Variants in DIAPH3 observed in about 807,000 individuals in gnomAD.
DIAPH3 encodes the protein diaphanous related formin 3.
A neutral mutation model predicts 144.3 loss-of-function variants in DIAPH3; 117 were observed. The ratio of observed to expected loss-of-function variants is 0.81; its 90% CI spans 0.70 to 0.95. The LOEUF is 0.95. DIAPH3 is among the 40% of genes least tolerant of loss of function. DIAPH3 has a pLI of 0.00. For missense variants in DIAPH3, 1,421 were observed against 1,412.7 expected (o/e 1.01, Z -0.09); for synonymous variants, 519 against 488.9 (o/e 1.06, Z -0.81).
chr13:60,012,863 C>T (rs1255869677), intron 7 of DIAPH3: 2 of 331,610 alleles, frequency 6.0e-6, no homozygotes, highest in Non-Finnish European at 8.6e-6. Flanking sequence ...TCACAGGTAA[C>T]GTTCTCTGAT....
chr13:59,932,702 T>A (rs1215820537), intron 17 of DIAPH3, among the ~76,000 whole-genome samples: 1 of 152,190 alleles, frequency 6.6e-6, no homozygotes, highest in African/African-American at 2.4e-5. Context: ...AGTAAGGTAA[T>A]CCTCTTCTAC....
intron 17 of DIAPH3, among the ~76,000 whole-genome samples, chr13:59,952,857 A>G (rs1384154594): frequency 6.6e-6 from 1 of 152,214 alleles, no homozygotes; most frequent in African/African-American, 2.4e-5. Context: ...TCATTTATCC[A>G]GCAAACATTC....
chr13:59,795,540 C>T (rs935027779), intron 25 of DIAPH3, among the ~76,000 whole-genome samples: 10 of 151,716 alleles, frequency 6.6e-5, no homozygotes, highest in East Asian at 3.9e-4. Context: ...CTGCGAGCTC[C>T]GCCTCCGGGT....
intron 25 of DIAPH3, among the ~76,000 whole-genome samples, chr13:59,777,999 T>C (rs76280659): frequency 0.02 from 2,973 of 152,302 alleles, 85 homozygotes; most frequent in East Asian, 0.12. Context: ...TGTTAAGTTA[T>C]CAGAGTGTGA....
chr13:59,859,386 T>C (rs891513012), intron 22 of DIAPH3, among the ~76,000 whole-genome samples: 5 of 152,108 alleles, frequency 3.3e-5, no homozygotes, highest in Non-Finnish European at 5.9e-5. Context: ...CAAACCAAGT[T>C]ACAGTTCTGC....
chr13:59,738,163 T>C (rs2139027670), intron 27 of DIAPH3, among the ~76,000 whole-genome samples: 1 of 151,960 alleles, frequency 6.6e-6, no homozygotes, highest in South Asian at 2.1e-4. Context: ...AGAGAATCCA[T>C]CTCAAAAAAT....
chr13:59,943,086 A>G (rs992810849), intron 17 of DIAPH3, among the ~76,000 whole-genome samples: 2 of 152,220 alleles, frequency 1.3e-5, no homozygotes, highest in Non-Finnish European at 2.9e-5. Context: ...CTCTTATGAG[A>G]AAAGACATAT....
Position 60,163,913 on chromosome 13 carries a change from C to T in DIAPH3, c.-147G>A. ...CTAGCCCAACCGCTGAAGTCGGGGC[C>T]GCAGCCAACACATCTGAAAACTCCC... On this transcript the variant is annotated 5_prime_UTR_variant, in exon 1 of 28. Transcript: ENST00000400324. The T allele has an allele frequency of 9.6e-7, 1 of 1,043,238 alleles. No homozygotes were observed. The highest frequency in any genetic ancestry group is 1.7e-5 in the South Asian group (1 of 59,946). 64.6% of individuals were successfully genotyped at this position (1,043,238 alleles called of 1,614,324 possible).
At chr13:59,700,676 G>C (rs1209974293) in intron 27 of DIAPH3, among the ~76,000 whole-genome samples, 1 of 152,084 alleles carries the variant, frequency 6.6e-6, no homozygotes, top group East Asian at 1.9e-4. Flanking sequence ...CAGTTGATGG[G>C]GGGAAGTTGC....
intron 24 of DIAPH3, among the ~76,000 whole-genome samples, chr13:59,829,284 C>T (rs2041643739): frequency 6.6e-6 from 1 of 151,874 alleles, no homozygotes; most frequent in Non-Finnish European, 1.5e-5. Context: ...AAAAAAATGG[C>T]CACTTTTTCT....
intron 11 of DIAPH3, 36 bp from the exon 12 acceptor site, chr13:59,991,310 C>T (rs941855710): frequency 3.7e-6 from 5 of 1,359,822 alleles, no homozygotes; most frequent in East Asian, 2.3e-5. Context: ...TTTATTTATA[C>T]TCTACACCAA....
Position 59,668,844 on chromosome 13 carries a change from T to TACACAC in DIAPH3, c.3320-2004_3320-1999dup, listed in dbSNP as rs10640305. 4.9e-3 allele frequency among the ~76,000 whole-genome samples: 720 copies of TACACAC among 148,348 alleles called. 6 individuals are homozygous for TACACAC. Among genetic ancestry groups the TACACAC allele is most frequent in the African/African-American group, 0.013 (510 of 40,448 alleles). The stretch of plus-strand genomic sequence containing the variant: ...ATACACATATATATATATGTATGTA[T>TACACAC]ACACACACACACACACACACACAAA... On this transcript the variant is annotated intron_variant, in intron 27 of 27. Coordinates refer to ENST00000400324, the MANE Select transcript of DIAPH3 (RefSeq NM_001042517.2).
intron 9 of DIAPH3, among the ~76,000 whole-genome samples, chr13:59,998,783 T>A (rs1348663791): frequency 6.6e-6 from 1 of 152,148 alleles, no homozygotes; most frequent in African/African-American, 2.4e-5. Context: ...TCAACCCTAT[T>A]CATGCAAACC....
intron 24 of DIAPH3, among the ~76,000 whole-genome samples, chr13:59,827,861 A>G (rs1027741930): frequency 2.0e-5 from 3 of 152,064 alleles, no homozygotes; most frequent in Admixed American, 6.6e-5. Flanking sequence ...AAACATGAAC[A>G]CGCTACAGCT....
chr13:60,058,329 A>C (rs1040945450), intron 4 of DIAPH3, among the ~76,000 whole-genome samples: 4 of 152,036 alleles, frequency 2.6e-5, no homozygotes, highest in African/African-American at 9.7e-5. Flanking sequence ...GCAAATTAAA[A>C]CCATAATGAG....
At chr13:60,137,782 C>T (rs912666783) in intron 1 of DIAPH3, among the ~76,000 whole-genome samples, 7 of 143,744 alleles carry the variant, frequency 4.9e-5, no homozygotes, top group South Asian at 2.2e-4. Flanking sequence ...CTTGCTCGGT[C>T]ACCCAGGCTG....
chr13:60,028,674 C>A (rs2054559020), intron 5 of DIAPH3, among the ~76,000 whole-genome samples: 1 of 152,186 alleles, frequency 6.6e-6, no homozygotes, highest in Non-Finnish European at 1.5e-5. Flanking sequence ...CTCCACTCCA[C>A]ATATGTAAGC....
intron 24 of DIAPH3, among the ~76,000 whole-genome samples, chr13:59,830,849 T>C (rs1367157269): frequency 6.6e-6 from 1 of 151,892 alleles, no homozygotes; most frequent in Non-Finnish European, 1.5e-5. Flanking sequence ...GGGATCTGGA[T>C]TCAAATCCCA....
intron 26 of DIAPH3, 57 bp downstream of exon 26, chr13:59,774,671 G>A: frequency 1.3e-6 from 2 of 1,487,042 alleles, no homozygotes; most frequent in Non-Finnish European, 1.9e-6. Context: ...AGAAAAACAG[G>A]ATTCTTTCTC....
Sources: allele counts gnomAD v4.1 joint callset (sites outside exome capture counted in the v4.1 genomes callset), GRCh38; gene constraint gnomAD v4.1.1; transcripts MANE v1.5; gene names NCBI Gene and HGNC (gene_info 2026-07-23, HGNC 2026-07-21).